PTPRT: variants seen among roughly 807,000 people sequenced by gnomAD.
PTPRT encodes protein tyrosine phosphatase receptor type T, also known as receptor-type tyrosine-protein phosphatase T.
In PTPRT, 56 loss-of-function variants were observed where a neutral mutation model predicts 176.8. The ratio of observed to expected loss-of-function variants is 0.32; its 90% CI spans 0.26 to 0.40. PTPRT has a LOEUF of 0.40. PTPRT is among the 10% of genes least tolerant of loss of function. The probability of loss-of-function intolerance (pLI) is 1.00; values close to 1 mark genes in which losing one functional copy is unlikely to be tolerated. For synonymous variants in PTPRT, 783 were observed against 739.0 expected (o/e 1.06, Z -0.96); for missense variants, 1,540 against 1,908.2 (o/e 0.81, Z 3.60).
Position 42,827,131 on chromosome 20 carries a change from TATCAGACAG to T in PTPRT, c.215-35674_215-35666del, listed in dbSNP as rs201719091. Among the ~76,000 whole-genome samples, 1,214 of 152,108 alleles carry T rather than the reference TATCAGACAG, an allele frequency of 8.0e-3. 9 individuals are homozygous for T. The highest frequency in any genetic ancestry group is 0.024 in the Middle Eastern group (7 of 294). ...ATAGTGGGAGACTCCCCACTGAGAG[TATCAGACAG>T]ATCATTGAGGTAGAAAATTAACAAA... On this transcript the variant is annotated intron_variant, in intron 2 of 30. Coordinates refer to ENST00000373187, the MANE Select transcript of PTPRT (RefSeq NM_007050.6).
At chr20:42,205,750 C>T (rs540030909) in intron 15 of PTPRT, among the ~76,000 whole-genome samples, 54 of 152,196 alleles carry the variant, frequency 3.5e-4, no homozygotes, top group African/African-American at 1.3e-3. Context: ...ATTGCAATCT[C>T]CAGATAAACT....
At chr20:42,879,448 T>C (rs2078981643) in intron 2 of PTPRT, among the ~76,000 whole-genome samples, 1 of 152,236 alleles carries the variant, frequency 6.6e-6, no homozygotes, top group African/African-American at 2.4e-5. Context: ...ACGAGTCGTA[T>C]TGGGTTAGAA....
intron 1 of PTPRT, among the ~76,000 whole-genome samples, chr20:43,078,169 ATCAG>A (rs1433105898): frequency 6.6e-6 from 1 of 152,358 alleles, no homozygotes; most frequent in East Asian, 1.9e-4. Context: ...TAAATGACCA[ATCAG>A]TCCTTGAACA....
chr20:42,330,022 C>T (rs977022057), intron 11 of PTPRT, among the ~76,000 whole-genome samples: 6 of 152,154 alleles, frequency 3.9e-5, no homozygotes, highest in Non-Finnish European at 8.8e-5. Flanking sequence ...ATGCCTAATA[C>T]TCTCTACCCA....
At chr20:42,430,063 G>A (rs187552792) in intron 9 of PTPRT, among the ~76,000 whole-genome samples, 348 of 152,340 alleles carry the variant, frequency 2.3e-3, no homozygotes, top group Middle Eastern at 0.014. Context: ...ATGGTACAGT[G>A]TCTGTATAAT....
chr20:42,555,588 T>C (rs2072847041), intron 7 of PTPRT, among the ~76,000 whole-genome samples: 1 of 152,174 alleles, frequency 6.6e-6, no homozygotes, highest in African/African-American at 2.4e-5. Flanking sequence ...AAGATGACTA[T>C]GCATCCCGGC....
chr20:42,552,022 A>G (rs2072780298), intron 7 of PTPRT, among the ~76,000 whole-genome samples: 1 of 152,134 alleles, frequency 6.6e-6, no homozygotes, highest in South Asian at 2.1e-4. Context: ...GCTGTGCATC[A>G]TTCTTTTCTA....
chr20:43,005,077 T>TC (rs1600640933), intron 1 of PTPRT, among the ~76,000 whole-genome samples: 1 of 152,100 alleles, frequency 6.6e-6, no homozygotes, highest in East Asian at 1.9e-4. Flanking sequence ...TCAGATGCCT[T>TC]CATCATCATG....
chr20:42,908,806 G>A (rs6103100), intron 1 of PTPRT, among the ~76,000 whole-genome samples: 2 of 152,078 alleles, frequency 1.3e-5, no homozygotes, highest in Non-Finnish European at 2.9e-5. Flanking sequence ...CATGACATTA[G>A]GCATATTTAT....
chr20:42,143,375 T>G (rs933997568), intron 17 of PTPRT, among the ~76,000 whole-genome samples: 1 of 151,882 alleles, frequency 6.6e-6, no homozygotes, highest in Non-Finnish European at 1.5e-5. Context: ...CTTAACACGG[T>G]GAAACCCAGC....
intron 9 of PTPRT, among the ~76,000 whole-genome samples, chr20:42,412,398 A>G (rs922238913): frequency 3.9e-5 from 6 of 152,216 alleles, no homozygotes; most frequent in African/African-American, 1.4e-4. Flanking sequence ...TGGCCAAAGC[A>G]GGGGAAAGGG....
chr20:42,805,753 T>C (rs1200899722), intron 2 of PTPRT, among the ~76,000 whole-genome samples: 2 of 152,190 alleles, frequency 1.3e-5, no homozygotes, highest in African/African-American at 2.4e-5. Flanking sequence ...GATCTATGAA[T>C]GGTGTATTTT....
At chr20:42,438,983 T>G (rs2059287826) in intron 9 of PTPRT, among the ~76,000 whole-genome samples, 2 of 152,230 alleles carry the variant, frequency 1.3e-5, no homozygotes, top group South Asian at 4.1e-4. Flanking sequence ...CACATCAGAA[T>G]GCAACTTCTT....
chr20:42,212,416 CAAAAAAAA>C (rs34652089), intron 15 of PTPRT, among the ~76,000 whole-genome samples: 1 of 90,608 alleles, frequency 1.1e-5, no homozygotes, highest in Admixed American at 1.2e-4. Flanking sequence ...TCTTTTTTCT[CAAAAAAAA>C]AAAAAAAAAA....
chr20:42,969,205 C>G (rs914029302), intron 1 of PTPRT: 2 of 152,130 alleles, frequency 1.3e-5, no homozygotes, highest in Non-Finnish European at 2.9e-5. Context: ...AGAAAAGATT[C>G]AGCAGAAAGG....
chr20:42,642,368 C>A (rs544902139), intron 7 of PTPRT, among the ~76,000 whole-genome samples: 1 of 152,116 alleles, frequency 6.6e-6, no homozygotes, highest in African/African-American at 2.4e-5. Flanking sequence ...AGTTGTGGGA[C>A]GTTGACAGAG....
chr20:42,083,229 G>A (rs191449542), intron 29 of PTPRT, among the ~76,000 whole-genome samples: 237 of 151,266 alleles, frequency 1.6e-3, no homozygotes, highest in Middle Eastern at 6.8e-3. Flanking sequence ...GAATAACAGC[G>A]TCCAAAAGGA....
chr20:42,201,711 A>G (rs1325920523), intron 15 of PTPRT, among the ~76,000 whole-genome samples: 1 of 136,916 alleles, frequency 7.3e-6, no homozygotes, highest in African/African-American at 2.8e-5. Flanking sequence ...AGACAACCTG[A>G]CAGGGAGAGA....
chr20:43,072,584 A>C (rs2011195587), intron 1 of PTPRT, among the ~76,000 whole-genome samples: 1 of 152,234 alleles, frequency 6.6e-6, no homozygotes, highest in Admixed American at 6.5e-5. Flanking sequence ...TTTCCAACCC[A>C]GTGCTAGCTG....
Sources: gnomAD v4.1 joint callset for allele counts (sites outside exome capture counted in the v4.1 genomes callset) on GRCh38, gnomAD v4.1.1 for gene constraint, MANE v1.5 for transcripts, NCBI Gene and HGNC (gene_info 2026-07-23, HGNC 2026-07-21) for gene names.